The following MAP3K14 variants were observed in gnomAD, a reference collection of about 807,000 sequenced individuals.
The protein encoded by MAP3K14 is NF-kappa-beta-inducing kinase.
Under a neutral mutation model 99.2 loss-of-function variants are expected in MAP3K14, and 16 were observed. The observed-to-expected ratio is 0.16, with a 90% CI of 0.11 to 0.24. The LOEUF is 0.24. MAP3K14 is among the 10% of genes least tolerant of loss of function. The pLI is 1.00. For missense variants in MAP3K14, 784 were observed against 1,208.7 expected (o/e 0.65, Z 5.21); for synonymous variants, 462 against 492.4 (o/e 0.94, Z 0.82).
At chr17:45,293,494 A>G (rs1344334109) in intron 1 of MAP3K14, among the ~76,000 whole-genome samples, 2 of 152,234 alleles carry the variant, frequency 1.3e-5, no homozygotes, top group African/African-American at 2.4e-5. Context: ...AGGCTGAGGC[A>G]GCCACGCTCA....
intron 1 of MAP3K14, among the ~76,000 whole-genome samples, chr17:45,297,799 A>G (rs372336808): frequency 1.0e-3 from 154 of 150,548 alleles, no homozygotes; most frequent in African/African-American, 3.6e-3. Context: ...GGCTCACTGC[A>G]ACCTCAGCAT....
At chr17:45,275,902 C>T (rs58007130) in intron 6 of MAP3K14, among the ~76,000 whole-genome samples, 23,080 of 151,694 alleles carry the variant, frequency 0.15, 1,856 homozygotes, top group African/African-American at 0.21. Context: ...GCTGGGACTA[C>T]AAGTGTGCGC....
chr17:45,312,115 G>A (rs996875428), intron 1 of MAP3K14, among the ~76,000 whole-genome samples: 1 of 152,216 alleles, frequency 6.6e-6, no homozygotes, highest in Non-Finnish European at 1.5e-5. Flanking sequence ...AACTGTGCTG[G>A]GGAATAAATC....
At chr17:45,269,442 C>G (rs1001693137) in intron 11 of MAP3K14, among the ~76,000 whole-genome samples, 1 of 152,192 alleles carries the variant, frequency 6.6e-6, no homozygotes, top group African/African-American at 2.4e-5. Flanking sequence ...AAAAGCCTTA[C>G]TCTCCAAAAT....
Position 45,267,298 on chromosome 17 carries a change from G to T in MAP3K14, c.2327-100C>A. 7.1e-7 allele frequency: 1 copy of T among 1,401,334 alleles called. No homozygotes were observed. The highest frequency in any genetic ancestry group is 9.9e-7 in the Non-Finnish European group (1 of 1,012,756). The allele number at this position is 1,401,334 out of a possible 1,614,324, so 86.8% of individuals were successfully genotyped here. Reference sequence around the variant, plus strand: ...CAGTCGGTAGAAGCTGAGCTGCTGGGGAAGGGGCTGGAAGAAAGCCCACAC... The same window carrying T: ...CAGTCGGTAGAAGCTGAGCTGCTGGTGAAGGGGCTGGAAGAAAGCCCACAC... On this transcript the variant is annotated intron_variant, in intron 12 of 15. Coordinates refer to ENST00000344686, the MANE Select transcript of MAP3K14 (RefSeq NM_003954.5). This position sits in a 1 kb window ranked among gnomAD's most constrained non-coding sequence, Gnocchi z 5.1.
At chr17:45,293,022 C>G (rs965758446) in intron 1 of MAP3K14, among the ~76,000 whole-genome samples, 1 of 152,202 alleles carries the variant, frequency 6.6e-6, no homozygotes, top group African/African-American at 2.4e-5. Context: ...CCCTGGTCAA[C>G]AGGCTCCTGA....
At chr17:45,309,212 C>T (rs566312820) in intron 1 of MAP3K14, among the ~76,000 whole-genome samples, 108 of 152,308 alleles carry the variant, frequency 7.1e-4, no homozygotes, top group African/African-American at 2.3e-3. Flanking sequence ...TACCAAGCTC[C>T]CGCTCCAAGC....
At chr17:45,312,349 C>T (rs1273910792) in intron 1 of MAP3K14, among the ~76,000 whole-genome samples, 1 of 152,162 alleles carries the variant, frequency 6.6e-6, no homozygotes, top group Non-Finnish European at 1.5e-5. Context: ...TCATCTGAAC[C>T]GAGCTCCACA....
intron 2 of MAP3K14, 103 bp downstream of exon 2, chr17:45,290,387 C>T (rs997886360): frequency 4.7e-5 from 64 of 1,368,858 alleles, no homozygotes; most frequent in Non-Finnish European, 6.2e-5. Flanking sequence ...TCTTATCTAG[C>T]AGTGACACAG....
chr17:45,270,009 G>T (rs1213202349), intron 11 of MAP3K14, among the ~76,000 whole-genome samples: 1 of 152,066 alleles, frequency 6.6e-6, no homozygotes, highest in Non-Finnish European at 1.5e-5. Context: ...TCCTGCTGTG[G>T]GATCTGATGC....
intron 6 of MAP3K14, among the ~76,000 whole-genome samples, chr17:45,283,693 T>A (rs1443527781): frequency 6.6e-6 from 1 of 152,184 alleles, no homozygotes; most frequent in Admixed American, 6.5e-5. Flanking sequence ...GCACTTCAGA[T>A]TTTGGGTTTT....
intron 6 of MAP3K14, among the ~76,000 whole-genome samples, chr17:45,279,402 C>T (rs2044203261): frequency 6.6e-6 from 1 of 151,962 alleles, no homozygotes; most frequent in Admixed American, 6.6e-5. Flanking sequence ...GCTGGGATTA[C>T]AGGCGTGAGC....
intron 1 of MAP3K14, among the ~76,000 whole-genome samples, chr17:45,292,682 T>C (rs1292503126): frequency 2.0e-5 from 3 of 152,252 alleles, no homozygotes; most frequent in East Asian, 3.9e-4. Flanking sequence ...CACCCCACTC[T>C]ACCTCCAAAA....
At chr17:45,314,593 T>G (rs2044513743) in intron 1 of MAP3K14, among the ~76,000 whole-genome samples, 1 of 152,160 alleles carries the variant, frequency 6.6e-6, no homozygotes, top group Admixed American at 6.5e-5. Flanking sequence ...AAGCAGAATT[T>G]TAGTTGCATT....
intron 5 of MAP3K14, among the ~76,000 whole-genome samples, 192 bp from the exon 6 acceptor site, chr17:45,285,141 GTGA>G (rs1352248531): frequency 6.6e-6 from 1 of 152,206 alleles, no homozygotes; most frequent in East Asian, 1.9e-4. Context: ...GAGGAATGAA[GTGA>G]AGGCGAGGGA....
chr17:45,269,437 C>T (rs2044125130), intron 11 of MAP3K14, among the ~76,000 whole-genome samples: 1 of 152,114 alleles, frequency 6.6e-6, no homozygotes, highest in African/African-American at 2.4e-5. Context: ...CTCCTAAAAG[C>T]CTTACTCTCC....
Position 45,267,896 on chromosome 17 carries a change from G to A in MAP3K14, c.1973-137C>T. On this transcript the variant is annotated intron_variant, in intron 11 of 15. Transcript: ENST00000344686. This position sits in a 1 kb window ranked among gnomAD's most constrained non-coding sequence, Gnocchi z 5.1. ...GACACTGCCCCGGGCCACCATGGGA[G>A]GTGGCTCCAGAGGGCAGCATGGTGG... The A allele has an allele frequency of 2.8e-6, 2 of 717,148 alleles. No individual in the cohort carries two copies. The highest frequency in any genetic ancestry group is 4.7e-6 in the Non-Finnish European group (2 of 428,810). 44.4% of individuals were successfully genotyped at this position (717,148 alleles called of 1,614,324 possible).
At chr17:45,277,997 C>G (rs1466313682) in intron 6 of MAP3K14, among the ~76,000 whole-genome samples, 1 of 152,164 alleles carries the variant, frequency 6.6e-6, no homozygotes, top group African/African-American at 2.4e-5. Context: ...TTTCTTTCAA[C>G]TTATGTCACG....
intron 1 of MAP3K14, among the ~76,000 whole-genome samples, chr17:45,314,829 T>A (rs537295593): frequency 6.6e-6 from 1 of 152,052 alleles, no homozygotes; most frequent in African/African-American, 2.4e-5. Flanking sequence ...GGAAAGCCCA[T>A]GTGCTGTCCA....
Sources: gnomAD v4.1 joint callset for allele counts (sites outside exome capture counted in the v4.1 genomes callset) on GRCh38, gnomAD v4.1.1 for gene constraint, Gnocchi (gnomAD v3.1) non-coding constraint, MANE v1.5 for transcripts, NCBI Gene and HGNC (gene_info 2026-07-23, HGNC 2026-07-21) for gene names.